The following EML1 variants were observed in gnomAD, a reference collection of about 807,000 sequenced individuals.
EML1 encodes the protein echinoderm microtubule-associated protein-like 1.
Under a neutral mutation model 110.4 loss-of-function variants are expected in EML1, and 27 were observed. The observed-to-expected ratio is 0.24, with a 90% CI of 0.18 to 0.34. The LOEUF is 0.34. EML1 is among the 10% of genes least tolerant of loss of function. The pLI, the probability that EML1 is intolerant of heterozygous loss-of-function variation, is 1.00. For missense variants in EML1, 741 were observed against 1,030.9 expected (o/e 0.72, Z 3.85); for synonymous variants, 344 against 385.8 (o/e 0.89, Z 1.27).
intron 1 of EML1, among the ~76,000 whole-genome samples, chr14:99,802,057 G>A (rs1256711302): frequency 1.3e-5 from 2 of 152,166 alleles, no homozygotes; most frequent in Admixed American, 6.5e-5. Flanking sequence ...TGGGGGGCAT[G>A]TATCAGGGCG....
chr14:99,755,665 G>T (rs1034408355), intron 1 of EML1, among the ~76,000 whole-genome samples: 1 of 152,156 alleles, frequency 6.6e-6, no homozygotes, highest in African/African-American at 2.4e-5. Context: ...TGCCCTCCTG[G>T]GGAACAGGGT....
intron 1 of EML1, among the ~76,000 whole-genome samples, chr14:99,748,198 A>C (rs1201166582): frequency 6.6e-6 from 1 of 152,008 alleles, no homozygotes; most frequent in Non-Finnish European, 1.5e-5. Flanking sequence ...TGCTCTGGGA[A>C]AGCCCCTGCC....
chr14:99,762,012 G>A (rs1467949557), intron 1 of EML1, among the ~76,000 whole-genome samples: 1 of 152,084 alleles, frequency 6.6e-6, no homozygotes, highest in African/African-American at 2.4e-5. Flanking sequence ...AGCCGGAAGG[G>A]TAACCTGATT....
chr14:99,915,230 T>G, intron 15 of EML1: 1 of 169,394 alleles, frequency 5.9e-6, no homozygotes, highest in Non-Finnish European at 1.2e-5. Flanking sequence ...CTGACCAACA[T>G]GGAGAAACCC....
In EML1 at chr14:99,939,921, C is replaced by G; in HGVS notation, c.2323-66C>G. On this transcript the variant is annotated intron_variant, in intron 21 of 21. Coordinates refer to ENST00000262233, the MANE Select transcript of EML1 (RefSeq NM_004434.3). The surrounding 1 kb of genome is among the most constrained non-coding windows in gnomAD (Gnocchi z 4.2). ...TTAAGGCATGCAGTGAGAATTCAAG[C>G]ACTTTCCCATCCCAGATGGTTCGCC... The G allele has an allele frequency of 6.8e-7, 1 of 1,461,992 alleles. No individual in the cohort carries two copies. The highest frequency in any genetic ancestry group is 9.1e-7 in the Non-Finnish European group (1 of 1,102,396). 90.6% of individuals were successfully genotyped at this position (1,461,992 alleles called of 1,614,324 possible). A position where few individuals can be genotyped will look rare whatever the true frequency, so the allele number is the denominator to read the frequency against.
chr14:99,832,615 T>G lies in EML1; in HGVS notation c.68-18238T>G, dbSNP rs374617535. Among the ~76,000 whole-genome samples, 36 of 152,358 alleles carry G rather than the reference T, an allele frequency of 2.4e-4. No homozygotes were observed. The South Asian group carries it at 5.8e-3, about 25-fold the overall frequency. On this transcript the variant is annotated intron_variant, in intron 1 of 21. Coordinates refer to ENST00000262233, the MANE Select transcript of EML1 (RefSeq NM_004434.3). ...TTTTAATTTGCATTTCCCTAATGAC[T>G]AATGATGTTGAGCACCTTTTGATAT...
chr14:99,850,712 C>T (rs920104673), intron 1 of EML1, 141 bp from the exon 2 acceptor site: 6 of 810,646 alleles, frequency 7.4e-6, no homozygotes, highest in Non-Finnish European at 7.7e-6. Flanking sequence ...CATGTGATTT[C>T]TGCTTAAGAG....
chr14:99,741,963 G>A (rs2057048236), intron 1 of EML1, among the ~76,000 whole-genome samples: 1 of 152,194 alleles, frequency 6.6e-6, no homozygotes. Context: ...CGAGCTGTTG[G>A]ATGCTACAGG....
chr14:99,927,302 C>T (rs1268355035), intron 17 of EML1, among the ~76,000 whole-genome samples: 1 of 152,178 alleles, frequency 6.6e-6, no homozygotes. Flanking sequence ...ATGAAACTGG[C>T]TCGTTTGTCC....
At chr14:99,759,614 T>A (rs886723930) in intron 1 of EML1, among the ~76,000 whole-genome samples, 31 of 152,186 alleles carry the variant, frequency 2.0e-4, no homozygotes, top group African/African-American at 7.5e-4. Context: ...GGGTGCACCG[T>A]CCTACAGTCC....
At chr14:99,833,061 T>C (rs112051894) in intron 1 of EML1, among the ~76,000 whole-genome samples, 128 of 152,338 alleles carry the variant, frequency 8.4e-4, no homozygotes, top group African/African-American at 3.0e-3. Flanking sequence ...TTTGCTGTCA[T>C]ATCTACAAGA....
chr14:99,867,009 C>T (rs1336609928), intron 3 of EML1, among the ~76,000 whole-genome samples: 1 of 152,146 alleles, frequency 6.6e-6, no homozygotes, highest in African/African-American at 2.4e-5. Context: ...GAGGTTTGGG[C>T]TTCTGTTGAT....
intron 4 of EML1, among the ~76,000 whole-genome samples, chr14:99,888,766 G>A (rs1057313401): frequency 1.4e-4 from 21 of 152,198 alleles, no homozygotes; most frequent in Non-Finnish European, 8.8e-5. Flanking sequence ...GCCCATCTGA[G>A]GAGGGACAGG....
intron 15 of EML1, among the ~76,000 whole-genome samples, chr14:99,915,985 C>T (rs941322944): frequency 2.0e-5 from 3 of 152,224 alleles, no homozygotes; most frequent in African/African-American, 4.8e-5. Context: ...GCCCAAGGGG[C>T]AGGCACTGCC....
chr14:99,819,705 G>A (rs1007438091), intron 1 of EML1, among the ~76,000 whole-genome samples: 3 of 152,140 alleles, frequency 2.0e-5, no homozygotes, highest in Admixed American at 6.5e-5. Flanking sequence ...GTTTCCCTCC[G>A]TGGTGGGAGG....
chr14:99,814,861 T>C (rs1029612791), intron 1 of EML1, among the ~76,000 whole-genome samples: 3 of 152,192 alleles, frequency 2.0e-5, no homozygotes, highest in Non-Finnish European at 4.4e-5. Context: ...TGCCAAGCAC[T>C]ATGCTAGCAT....
At chr14:99,890,683 C>A (rs1318016323) in intron 4 of EML1, among the ~76,000 whole-genome samples, 1 of 152,192 alleles carries the variant, frequency 6.6e-6, no homozygotes, top group East Asian at 1.9e-4. Context: ...GATGGCTGAG[C>A]TGGAGGGTAC....
upstream of EML1, among the ~76,000 whole-genome samples, chr14:99,789,735 G>A (rs936751881): frequency 4.5e-4 from 68 of 152,184 alleles, no homozygotes; most frequent in Non-Finnish European, 7.1e-4. Context: ...AGGCTACAGA[G>A]CTTTCACTTT....
At chr14:99,769,444 C>T (rs548337051), upstream of EML1, among the ~76,000 whole-genome samples, 1 of 152,328 alleles carries the variant, frequency 6.6e-6, no homozygotes, top group African/African-American at 2.4e-5. Context: ...GGCCCCAGCC[C>T]TGAGTAACCT....
Sources: gnomAD v4.1 joint callset for allele counts (sites outside exome capture counted in the v4.1 genomes callset) on GRCh38, gnomAD v4.1.1 for gene constraint, Gnocchi (gnomAD v3.1) non-coding constraint, MANE v1.5 for transcripts, NCBI Gene and HGNC (gene_info 2026-07-23, HGNC 2026-07-21) for gene names.